Variants in GPR180 observed in about 807,000 individuals in gnomAD.
The protein encoded by GPR180 is integral membrane protein GPR180.
Under a neutral mutation model 52.6 loss-of-function variants are expected in GPR180, and 53 were observed. The observed-to-expected ratio is 1.01, with a 90% CI of 0.81 to 1.27. The LOEUF is 1.27. Ranked by LOEUF, GPR180 falls within the 50% of genes most tolerant of loss-of-function variation. The pLI, the probability that GPR180 is intolerant of heterozygous loss-of-function variation, is 0.00. For synonymous variants in GPR180, 200 were observed against 193.1 expected (o/e 1.04, Z -0.30); for missense variants, 533 against 527.0 (o/e 1.01, Z -0.11).
intron 1 of GPR180, 69 bp downstream of exon 1, chr13:94,602,141 C>G (rs1021409910): frequency 2.4e-6 from 3 of 1,236,340 alleles, no homozygotes; most frequent in Admixed American, 8.4e-5. Context: ...CCGCCGGCCG[C>G]TCCTCCCGGC....
intron 5 of GPR180, among the ~76,000 whole-genome samples, chr13:94,619,972 C>G (rs1185210549): frequency 6.6e-6 from 1 of 152,176 alleles, no homozygotes; most frequent in Non-Finnish European, 1.5e-5. Context: ...TCCACCCACC[C>G]TGGCCTCCCA....
Position 94,633,574 on chromosome 13 carries a change from T to C in GPR180, c.*6403T>C, listed in dbSNP as rs981510748. ...TATTGGGTTGGTTGTCTTTTTCTTA[T>C]TGATTTGTTAAAACTCTTTATAACA... On this transcript the variant is annotated 3_prime_UTR_variant, in exon 9 of 9. Coordinates refer to ENST00000376958, the MANE Select transcript of GPR180 (RefSeq NM_180989.6). The C allele has an allele frequency of 5.9e-5, 9 of 152,160 alleles. No individual in the cohort carries two copies. The highest frequency in any genetic ancestry group is 3.9e-4 in the Admixed American group (6 of 15,284). The allele number at this position is 152,160 out of a possible 1,614,324, so 9.4% of individuals were successfully genotyped here. A position where few individuals can be genotyped will look rare whatever the true frequency, so the allele number is the denominator to read the frequency against.
In GPR180 at chr13:94,625,034, G is replaced by A. The variant is rs144772131; in HGVS notation, c.1087-932G>A. On this transcript the variant is annotated intron_variant, in intron 7 of 8. Transcript: ENST00000376958. ...TCTCCATGTTGGTCAGGCTGTTCTG[G>A]AACTCCCGACCTCAGGTGATCCGCC... Among the ~76,000 whole-genome samples the A allele has an allele frequency of 2.6e-3, 380 of 147,908 alleles. 4 individuals are homozygous for A. Among genetic ancestry groups the A allele is most frequent in the Middle Eastern group, 0.024 (6 of 254 alleles).
chr13:94,626,181 C>G (rs1284861682), intron 8 of GPR180, 138 bp downstream of exon 8: 10 of 500,774 alleles, frequency 2.0e-5, no homozygotes, highest in African/African-American at 1.4e-4. Flanking sequence ...AAATAGTAAA[C>G]CAATAAGCAG....
intron 2 of GPR180, among the ~76,000 whole-genome samples, 186 bp downstream of exon 2, chr13:94,605,735 GA>G (rs199535213): frequency 4.7e-5 from 7 of 150,406 alleles, no homozygotes; most frequent in Non-Finnish European, 1.0e-4. Flanking sequence ...CATCGTTTTT[GA>G]AAAAAAAATC....
intron 7 of GPR180, among the ~76,000 whole-genome samples, chr13:94,625,710 G>T (rs529715288): frequency 1.3e-5 from 2 of 151,942 alleles, no homozygotes; most frequent in Admixed American, 6.5e-5. Flanking sequence ...TTAATAATTT[G>T]TAGTGTATCA....
intron 1 of GPR180, among the ~76,000 whole-genome samples, chr13:94,603,082 A>ATTT (rs56263700): frequency 0.077 from 11,367 of 148,024 alleles, 601 homozygotes; most frequent in African/African-American, 0.14. Context: ...AGGGATCCTG[A>ATTT]TTTTTTTTTT....
At chr13:94,607,632 A>G (rs1284765670) in intron 2 of GPR180, among the ~76,000 whole-genome samples, 4 of 152,196 alleles carry the variant, frequency 2.6e-5, no homozygotes, top group African/African-American at 7.2e-5. Context: ...AAATCAGTCA[A>G]TGAGAGCAGT....
rs764686227 is a variant in GPR180 at position 94,625,955 on chromosome 13, C to A, written c.1087-11C>A. 2 of 1,602,828 alleles carry A rather than the reference C, an allele frequency of 1.2e-6. No individual in the cohort carries two copies. Among genetic ancestry groups the A allele is most frequent in the African/African-American group, 1.3e-5 (1 of 74,492 alleles). ...ACAGTTCTACTTATTTCACTTTTTCCTTTGTTTCAGGGCTGTATCTTGTGG... is the reference window on the plus strand; with the variant it reads ...ACAGTTCTACTTATTTCACTTTTTCATTTGTTTCAGGGCTGTATCTTGTGG... On this transcript the variant is annotated splice_polypyrimidine_tract_variant and intron_variant, in intron 7 of 8. Transcript: ENST00000376958.
intron 1 of GPR180, among the ~76,000 whole-genome samples, chr13:94,604,496 A>G (rs1486493564): frequency 6.6e-6 from 1 of 152,100 alleles, no homozygotes; most frequent in Non-Finnish European, 1.5e-5. Context: ...CAGGAGAATC[A>G]GGAGAATCGC....
chr13:94,626,986 A>C, intron 8 of GPR180, 27 bp from the exon 9 acceptor site: 1 of 1,537,642 alleles, frequency 6.5e-7, no homozygotes, highest in Non-Finnish European at 8.8e-7. Context: ...GCATGTAGTA[A>C]AAGCATTCCT....
rs774212119 is a variant in GPR180, at chr13:94,623,243, G to C, written c.1029G>C (p.Gln343His). The C allele has an allele frequency of 6.8e-6, 11 of 1,613,908 alleles. No individual in the cohort carries two copies. The South Asian group carries it at 1.2e-4, about 18-fold the overall frequency. Residue 343 changes from glutamine to histidine, a missense_variant, in exon 7 of 9, where the codon CAG becomes CAC. Gln to His is a conservative substitution (Grantham distance 24). Coordinates refer to ENST00000376958, the MANE Select transcript of GPR180 (RefSeq NM_180989.6). ...LALSLGCGLY[Q>H]IITVERSTLK... ...TGTCATTAGGCTGTGGACTCTATCAGATCATCACAGTGGAGAGAAGTACAC... is the reference window on the plus strand; with the variant it reads ...TGTCATTAGGCTGTGGACTCTATCACATCATCACAGTGGAGAGAAGTACAC...
Position 94,634,100 on chromosome 13 carries a change from A to G in GPR180, c.*6929A>G, listed in dbSNP as rs956107685. 2 of 152,014 alleles carry G rather than the reference A, an allele frequency of 1.3e-5. No homozygotes were observed. The highest frequency in any genetic ancestry group is 2.9e-5 in the Non-Finnish European group (2 of 67,966). The allele number at this position is 152,014 out of a possible 1,614,324, so 9.4% of individuals were successfully genotyped here. On this transcript the variant is annotated 3_prime_UTR_variant, in exon 9 of 9. Transcript: ENST00000376958. ...TTTCTGTTAAGTGTTTTTGTTTTTT[A>G]TAATTTTCCAATTAGTCTTGCTCAT...
Position 94,627,367 on chromosome 13 carries a change from TAAAC to T in GPR180, c.*199_*202del. On this transcript the variant is annotated 3_prime_UTR_variant, in exon 9 of 9. Coordinates refer to ENST00000376958, the MANE Select transcript of GPR180 (RefSeq NM_180989.6). ...TAAATGAAATGTTTTGAAATATACT[TAAAC>T]AACAAACTTTGAAGAAAGTGTTGTT... 2.1e-6 allele frequency: 1 copy of T among 479,350 alleles called. No homozygotes were observed. Among genetic ancestry groups the T allele is most frequent in the East Asian group, 3.6e-5 (1 of 28,052 alleles). 29.7% of individuals were successfully genotyped at this position (479,350 alleles called of 1,614,324 possible).
chr13:94,611,963 G>T (rs1889712069), intron 2 of GPR180, among the ~76,000 whole-genome samples: 1 of 150,950 alleles, frequency 6.6e-6, no homozygotes, highest in Non-Finnish European at 1.5e-5. Context: ...TACTTTTATA[G>T]TGATTCCTTG....
Position 94,605,561 on chromosome 13 carries a change from CTT to C in GPR180, c.304+17_304+18del, listed in dbSNP as rs768200553. ...AGCTCAGTTGACAAGTGAGTATATC[CTT>C]TTTTCTTTGATCATTAGATATAGTT... On this transcript the variant is annotated intron_variant, in intron 2 of 8. Transcript: ENST00000376958. The C allele has an allele frequency of 3.1e-6, 5 of 1,600,744 alleles. No homozygotes were observed. Among genetic ancestry groups the C allele is most frequent in the Non-Finnish European group, 4.3e-6 (5 of 1,171,998 alleles).
At chr13:94,603,681 A>T (rs906194707) in intron 1 of GPR180, among the ~76,000 whole-genome samples, 4 of 152,178 alleles carry the variant, frequency 2.6e-5, no homozygotes, top group African/African-American at 4.8e-5. Flanking sequence ...TGATATATAT[A>T]CTGTATATTT....
chr13:94,608,095 C>T (rs1889657358), intron 2 of GPR180, among the ~76,000 whole-genome samples: 1 of 152,154 alleles, frequency 6.6e-6, no homozygotes, highest in African/African-American at 2.4e-5. Context: ...ACCTCATTTT[C>T]GTATGAGTCA....
intron 1 of GPR180, 125 bp downstream of exon 1, chr13:94,602,197 C>T (rs924123845): frequency 7.3e-5 from 64 of 880,486 alleles, no homozygotes; most frequent in Non-Finnish European, 8.8e-5. Flanking sequence ...CCCAGCCTCA[C>T]CTGGACCTCC....
Sources: allele counts gnomAD v4.1 joint callset (sites outside exome capture counted in the v4.1 genomes callset), GRCh38; gene constraint gnomAD v4.1.1; transcripts MANE v1.5; gene names NCBI Gene and HGNC (gene_info 2026-07-23, HGNC 2026-07-21).